Variants in RASA2 observed in about 807,000 individuals in gnomAD.
RASA2 encodes RAS p21 protein activator 2.
Under a neutral mutation model 118.2 loss-of-function variants are expected in RASA2, and 155 were observed. The ratio of observed to expected loss-of-function variants is 1.31; its 90% CI spans 1.15 to 1.50. The LOEUF (loss-of-function observed/expected upper bound fraction) is 1.50. Among genes scored for constraint, RASA2 ranks in the 40% most tolerant of loss-of-function variants. The pLI, the probability that RASA2 is intolerant of heterozygous loss-of-function variation, is 0.00. For missense variants in RASA2, 1,016 were observed against 1,009.6 expected, an observed-to-expected ratio of 1.01 and a Z score of -0.09; for synonymous variants, 353 against 349.1, an observed-to-expected ratio of 1.01 and a Z score of -0.12.
intron 1 of RASA2, among the ~76,000 whole-genome samples, chr3:141,509,401 A>G (rs765275525): frequency 2.0e-5 from 3 of 152,220 alleles, no homozygotes; most frequent in African/African-American, 4.8e-5. Flanking sequence ...GTAAATTTAT[A>G]TAATGTTGTT....
intron 9 of RASA2, among the ~76,000 whole-genome samples, chr3:141,567,143 T>C (rs2082832208): frequency 6.6e-6 from 1 of 152,152 alleles, no homozygotes; most frequent in Admixed American, 6.5e-5. Context: ...AGGCCAGGCA[T>C]GGTGGCTTAC....
At chr3:141,499,398 TTATA>T (rs937050386) in intron 1 of RASA2, among the ~76,000 whole-genome samples, 31 of 152,286 alleles carry the variant, frequency 2.0e-4, no homozygotes, top group African/African-American at 4.6e-4. Context: ...GGAATTGTAC[TTATA>T]TATAGTTCAG....
At chr3:141,576,150 G>T (rs1171025568) in intron 14 of RASA2, among the ~76,000 whole-genome samples, 2 of 152,108 alleles carry the variant, frequency 1.3e-5, no homozygotes, top group African/African-American at 2.4e-5. Context: ...TATTAATATG[G>T]TTATCATATC....
chr3:141,500,393 G>A (rs1236886355), intron 1 of RASA2, among the ~76,000 whole-genome samples: 1 of 152,092 alleles, frequency 6.6e-6, no homozygotes, highest in East Asian at 1.9e-4. Flanking sequence ...TCTTGTGTAA[G>A]ATTTATTATA....
At chr3:141,578,803 A>G (rs1375799484) in intron 15 of RASA2, 1 of 152,110 alleles carries the variant, frequency 6.6e-6, no homozygotes, top group Non-Finnish European at 1.5e-5. Flanking sequence ...CCTGTAACAG[A>G]TGTTGGTGGA....
chr3:141,570,815 C>T, intron 9 of RASA2, 97 bp from the exon 10 acceptor site: 1 of 1,208,710 alleles, frequency 8.3e-7, no homozygotes, highest in Non-Finnish European at 1.2e-6. Context: ...ACTAAGTTGA[C>T]TTTTTTGGTT....
In RASA2 at chr3:141,560,013, T is replaced by C. The variant is rs765187889; in HGVS notation, c.863+18T>C. 1 of 1,570,706 alleles carries C rather than the reference T, an allele frequency of 6.4e-7. No individual in the cohort carries two copies. The highest frequency in any genetic ancestry group is 2.2e-5 in the East Asian group (1 of 44,538). On this transcript the variant is annotated intron_variant, in intron 9 of 23. Coordinates refer to ENST00000286364, the MANE Select transcript of RASA2 (RefSeq NM_006506.5). ...CAAGCCTGGTAAGGGCCCAGCATTT[T>C]AGTGAACTCCATAGTTTAATTCTCT... is the stretch of plus-strand genomic sequence containing the variant.
At chr3:141,534,651 A>G (rs2082303751) in intron 4 of RASA2, among the ~76,000 whole-genome samples, 1 of 152,136 alleles carries the variant, frequency 6.6e-6, no homozygotes. Context: ...AAAGAAATGC[A>G]ATGATTATAG....
chr3:141,547,347 C>G (rs1269443988), intron 5 of RASA2, among the ~76,000 whole-genome samples: 2 of 152,070 alleles, frequency 1.3e-5, no homozygotes, highest in African/African-American at 4.8e-5. Context: ...GAATATCTTT[C>G]CATTTTTGAG....
At chr3:141,525,522 A>G (rs1398921313) in intron 3 of RASA2, among the ~76,000 whole-genome samples, 1 of 152,132 alleles carries the variant, frequency 6.6e-6, no homozygotes, top group African/African-American at 2.4e-5. Context: ...ATAGTAATCA[A>G]CAACTGGCCA....
In RASA2 at chr3:141,577,069, T is replaced by C; in HGVS notation, c.1553T>C (p.Val518Ala). ...VFLRFFAVAV[V>A]SPHTFHLRPH... Reference sequence around the variant, plus strand: ...CTTCGTTTCTTTGCTGTAGCCGTAGTATCACCTCATACTTTTCATTTGCGA... The same window carrying C: ...CTTCGTTTCTTTGCTGTAGCCGTAGCATCACCTCATACTTTTCATTTGCGA... The change falls in exon 15 of 24, where the codon GTA becomes GCA. Residue 518 changes from valine to alanine, a missense_variant. Transcript: ENST00000286364. 1 of 1,610,718 alleles carries C rather than the reference T, an allele frequency of 6.2e-7. No homozygotes were observed.
rs748485373 is a variant in RASA2, at chr3:141,512,237, C to G, written c.208C>G (p.Gln70Glu). ...RDCFCTINLD[Q>E]EEVYRTQVVE... is the part of the protein sequence containing the mutation. ...TTGTTTCTGTACCATAAATTTGGACCAGGAAGAAGTTTATCGTACCCAAGT... is the reference window on the plus strand; with the variant it reads ...TTGTTTCTGTACCATAAATTTGGACGAGGAAGAAGTTTATCGTACCCAAGT... The change falls in exon 2 of 24, where the codon CAG (glutamine) becomes GAG (glutamate). Residue 70 changes from glutamine (Q) to glutamate (E), a missense_variant. Physicochemically the swap from Gln to Glu is conservative, Grantham distance 29. Coordinates refer to ENST00000286364, the MANE Select transcript of RASA2 (RefSeq NM_006506.5). 2 of 1,593,566 alleles carry G rather than the reference C, an allele frequency of 1.3e-6. No individual in the cohort carries two copies. The highest frequency in any genetic ancestry group is 1.2e-5 in the South Asian group (1 of 86,036).
At position 141,557,703 on chromosome 3, in the gene RASA2, G is replaced by A. The variant is rs531887144; in HGVS notation, c.685-1183G>A. ...AGCTGGGGAGACTGTTGTACTTTAG[G>A]TGTAAGAAAAATGGGGAGGGGATGG... is the stretch of plus-strand genomic sequence containing the variant. On this transcript the variant is annotated intron_variant, in intron 7 of 23. Transcript: ENST00000286364. Among the ~76,000 whole-genome samples, 3 of 152,180 alleles carry A rather than the reference G, an allele frequency of 2.0e-5. No homozygotes were observed. The South Asian group carries it at 6.2e-4, about 32-fold the overall frequency.
chr3:141,550,774 G>A (rs556445882), intron 5 of RASA2, among the ~76,000 whole-genome samples: 22 of 152,254 alleles, frequency 1.4e-4, no homozygotes, highest in African/African-American at 3.4e-4. Context: ...GGAGAATGGC[G>A]TAAAACCGGG....
intron 14 of RASA2, 34 bp downstream of exon 14, chr3:141,574,101 A>G: frequency 7.3e-7 from 1 of 1,366,084 alleles, no homozygotes; most frequent in Non-Finnish European, 9.6e-7. Context: ...CATGCCATTT[A>G]TTTTTCTTTG....
At chr3:141,560,846 G>C (rs1019293575) in intron 9 of RASA2, among the ~76,000 whole-genome samples, 15 of 152,010 alleles carry the variant, frequency 9.9e-5, no homozygotes, top group African/African-American at 3.6e-4. Context: ...GAGTGTTTAG[G>C]TGTTTCTTAT....
chr3:141,537,595 C>T (rs1349611632), intron 4 of RASA2, among the ~76,000 whole-genome samples: 1 of 152,034 alleles, frequency 6.6e-6, no homozygotes, highest in African/African-American at 2.4e-5. Context: ...ATGGTGAAAC[C>T]GTGTCTCTAC....
rs138115393 is a variant in RASA2 at position 141,553,864 on chromosome 3, G to A, written c.535G>A (p.Ala179Thr). 101 of 1,610,374 alleles carry A rather than the reference G, an allele frequency of 6.3e-5. No individual in the cohort carries two copies. In the East Asian group the frequency reaches 1.1e-3, roughly 18 times the overall value. Residue 179 changes from alanine to threonine, a missense_variant, in exon 6 of 24, where the codon GCA becomes ACA. Physicochemically the swap from Ala to Thr is moderately conservative, Grantham distance 58. Coordinates refer to ENST00000286364, the MANE Select transcript of RASA2 (RefSeq NM_006506.5). ...VCQQLVVHIK[A>T]CHGLPLINGQ... Reference sequence around the variant, plus strand: ...TCTTTTATTCTACCTTAGCATCAAGGCATGCCATGGGTTGCCTCTCATAAA... The same window carrying A: ...TCTTTTATTCTACCTTAGCATCAAGACATGCCATGGGTTGCCTCTCATAAA...
intron 19 of RASA2, among the ~76,000 whole-genome samples, chr3:141,592,782 C>T (rs1290794868): frequency 6.7e-6 from 1 of 150,214 alleles, no homozygotes; most frequent in Admixed American, 6.6e-5. Context: ...CATGAAGTTG[C>T]CTTTTTAAAA....
Sources: gnomAD v4.1 joint callset for allele counts (sites outside exome capture counted in the v4.1 genomes callset) on GRCh38, gnomAD v4.1.1 for gene constraint, MANE v1.5 for transcripts, NCBI Gene and HGNC (gene_info 2026-07-23, HGNC 2026-07-21) for gene names.